Variants in PTK2B observed in about 807,000 individuals in gnomAD.
PTK2B encodes protein-tyrosine kinase 2-beta.
PTK2B carries 71 observed loss-of-function variants against 142.9 expected under a neutral mutation model. The ratio of observed to expected loss-of-function variants is 0.50; its 90% CI spans 0.41 to 0.61. The LOEUF is 0.61. Among genes scored for constraint, PTK2B ranks in the 20% least tolerant of loss-of-function variants. The pLI is 0.00. For synonymous variants in PTK2B, 519 were observed against 503.4 expected (o/e 1.03, Z -0.42); for missense variants, 1,105 against 1,320.4 (o/e 0.84, Z 2.53).
chr8:27,445,918 G>C lies in PTK2B; in HGVS notation c.2339G>C (p.Arg780Pro). Residue 780 changes from arginine (R) to proline (P), a missense_variant and splice_region_variant, in exon 24 of 31, where the codon CGG becomes CCG. Arg to Pro is a moderately radical substitution (Grantham distance 103, BLOSUM62 -2). Coordinates refer to ENST00000346049, the MANE Select transcript of PTK2B (RefSeq NM_173176.3). ...AATGTCTTCAAACGCCACAGCATGC[G>C]GGTAAGAGGGCTCTGCATGCTGGTC... Reference protein sequence around the residue: ...RHNVFKRHSMREEDFIQPSSR... With the variant: ...RHNVFKRHSMPEEDFIQPSSR... The C allele has an allele frequency of 2.5e-6, 4 of 1,613,334 alleles. No homozygotes were observed. The highest frequency in any genetic ancestry group is 3.4e-6 in the Non-Finnish European group (4 of 1,180,012).
intron 1 of PTK2B, among the ~76,000 whole-genome samples, chr8:27,370,096 G>A (rs1806259802): frequency 6.6e-6 from 1 of 152,216 alleles, no homozygotes; most frequent in African/African-American, 2.4e-5. Context: ...GAGCTCTTGG[G>A]AGTTCAGGTA....
intron 2 of PTK2B, among the ~76,000 whole-genome samples, chr8:27,418,205 A>G (rs1809519627): frequency 6.6e-6 from 1 of 152,062 alleles, no homozygotes. Flanking sequence ...CCTAATGGGG[A>G]AGGGATTTTT....
At chr8:27,456,584 C>T (rs1026968832) in intron 30 of PTK2B, among the ~76,000 whole-genome samples, 3 of 152,194 alleles carry the variant, frequency 2.0e-5, no homozygotes, top group Admixed American at 1.3e-4. Context: ...AAGAACCCTA[C>T]AGCGGTCTCT....
intron 2 of PTK2B, among the ~76,000 whole-genome samples, chr8:27,418,921 A>G (rs1809567755): frequency 6.6e-6 from 1 of 152,160 alleles, no homozygotes; most frequent in South Asian, 2.1e-4. Context: ...CCAGCTACTC[A>G]GGAGGATGAG....
intron 1 of PTK2B, among the ~76,000 whole-genome samples, chr8:27,342,476 T>C (rs921157665): frequency 1.3e-5 from 2 of 152,136 alleles, no homozygotes; most frequent in African/African-American, 4.8e-5. Context: ...GTGCCCACCC[T>C]GGTTGAAACA....
intron 1 of PTK2B, among the ~76,000 whole-genome samples, chr8:27,354,592 A>C (rs1405133972): frequency 4.6e-5 from 7 of 152,258 alleles, no homozygotes; most frequent in African/African-American, 1.7e-4. Flanking sequence ...CTTGGAAAAC[A>C]GGAAAATAGT....
At chr8:27,323,130 T>C (rs1232437150), upstream of PTK2B, 2 of 152,182 alleles carry the variant, frequency 1.3e-5, no homozygotes, top group Non-Finnish European at 2.9e-5. Context: ...GATGGGTCAA[T>C]AGGACAGGAA....
intron 1 of PTK2B, among the ~76,000 whole-genome samples, chr8:27,368,945 C>T (rs1189726419): frequency 3.9e-5 from 6 of 152,170 alleles, no homozygotes; most frequent in Non-Finnish European, 5.9e-5. Flanking sequence ...CCAGGAGTGT[C>T]TCCCCTCTCA....
intron 1 of PTK2B, among the ~76,000 whole-genome samples, chr8:27,393,489 C>T (rs1173810817): frequency 6.6e-6 from 1 of 151,844 alleles, no homozygotes; most frequent in Non-Finnish European, 1.5e-5. Flanking sequence ...CCAGAGTCCT[C>T]CAAGCACGCT....
chr8:27,432,487 C>T (rs1263710846), intron 10 of PTK2B, 126 bp downstream of exon 10: 13 of 812,036 alleles, frequency 1.6e-5, no homozygotes, highest in South Asian at 1.3e-4. Flanking sequence ...CTTTGGGGAT[C>T]GTGTTAAGAA....
chr8:27,431,579 G>A, intron 9 of PTK2B, 107 bp downstream of exon 9: 2 of 1,434,778 alleles, frequency 1.4e-6, no homozygotes, highest in Admixed American at 2.0e-5. Flanking sequence ...CCCTGTTGCT[G>A]AAAGCAGAGT....
intron 15 of PTK2B, among the ~76,000 whole-genome samples, chr8:27,436,633 G>A (rs1200928612): frequency 2.0e-5 from 3 of 152,108 alleles, no homozygotes; most frequent in Admixed American, 6.5e-5. Flanking sequence ...GGGGGAGGCG[G>A]GATAAAGACA....
chr8:27,434,593 G>T (rs377091748), intron 13 of PTK2B, 34 bp downstream of exon 13: 9 of 1,586,636 alleles, frequency 5.7e-6, no homozygotes, highest in Non-Finnish European at 7.7e-6. Flanking sequence ...ACCTGCTCCA[G>T]TTGCCTCCCG....
intron 24 of PTK2B, among the ~76,000 whole-genome samples, chr8:27,446,457 C>T (rs932428715): frequency 1.3e-5 from 2 of 152,168 alleles, no homozygotes; most frequent in African/African-American, 4.8e-5. Flanking sequence ...TAAGCCACTT[C>T]CCTTGTCAGC....
At chr8:27,358,005 T>C (rs2130698064) in intron 1 of PTK2B, among the ~76,000 whole-genome samples, 1 of 152,322 alleles carries the variant, frequency 6.6e-6, no homozygotes, top group Non-Finnish European at 1.5e-5. Context: ...TAGTAGTAAT[T>C]GGGGTAACCA....
chr8:27,418,594 C>T (rs891392), intron 2 of PTK2B, among the ~76,000 whole-genome samples: 130,769 of 152,220 alleles, frequency 0.86, 56,986 homozygotes, highest in African/African-American at 0.97. Context: ...CTTGATGGCA[C>T]GCACATTGCA....
chr8:27,385,477 C>A (rs1183180276), intron 1 of PTK2B, among the ~76,000 whole-genome samples: 4 of 152,192 alleles, frequency 2.6e-5, no homozygotes, highest in Non-Finnish European at 5.9e-5. Context: ...TTAACCCAAG[C>A]CTGATTTTGG....
At chr8:27,359,735 TTC>T (rs1805591245) in intron 1 of PTK2B, among the ~76,000 whole-genome samples, 1 of 152,162 alleles carries the variant, frequency 6.6e-6, no homozygotes, top group Non-Finnish European at 1.5e-5. Flanking sequence ...CTCTCTTTCT[TTC>T]TCTCTCCCTA....
Position 27,435,804 on chromosome 8 carries a change from G to C in PTK2B, c.1243+11G>C, listed in dbSNP as rs567731245. On this transcript the variant is annotated intron_variant, in intron 14 of 30. Coordinates refer to ENST00000346049, the MANE Select transcript of PTK2B (RefSeq NM_173176.3). ...TGCGAAGGCCCGGAGGTAGGTTCTCGACCCCGCCACAGCGACCGTAGTCAA... is the reference window on the plus strand; with the variant it reads ...TGCGAAGGCCCGGAGGTAGGTTCTCCACCCCGCCACAGCGACCGTAGTCAA... The C allele has an allele frequency of 3.5e-5, 57 of 1,613,296 alleles. No individual in the cohort carries two copies. Among genetic ancestry groups the C allele is most frequent in the Non-Finnish European group, 4.7e-5 (56 of 1,179,576 alleles).
Sources: gnomAD v4.1 joint callset for allele counts (sites outside exome capture counted in the v4.1 genomes callset) on GRCh38, gnomAD v4.1.1 for gene constraint, MANE v1.5 for transcripts, NCBI Gene and HGNC (gene_info 2026-07-23, HGNC 2026-07-21) for gene names.